DPF3: variants seen among roughly 807,000 people sequenced by gnomAD.
The protein encoded by DPF3 is double PHD fingers 3, also known as zinc finger protein DPF3.
In DPF3, 18 loss-of-function variants were observed where a neutral mutation model predicts 56.8. The ratio of observed to expected loss-of-function variants is 0.32; its 90% CI spans 0.22 to 0.47. DPF3 has a LOEUF of 0.47. Among genes scored for constraint, DPF3 ranks in the 20% least tolerant of loss-of-function variants. The pLI, the probability that DPF3 is intolerant of heterozygous loss-of-function variation, is 1.00. For synonymous variants in DPF3, 188 were observed against 180.2 expected (o/e 1.04, Z -0.35); for missense variants, 403 against 488.8 (o/e 0.82, Z 1.65).
chr14:72,890,503 T>C (rs1484796616), intron 1 of DPF3, among the ~76,000 whole-genome samples: 1 of 150,584 alleles, frequency 6.6e-6, no homozygotes, highest in Non-Finnish European at 1.5e-5. Context: ...AAAATAATGA[T>C]AATAATAATA....
At chr14:72,815,759 G>C (rs953640636) in intron 1 of DPF3, among the ~76,000 whole-genome samples, 2 of 152,180 alleles carry the variant, frequency 1.3e-5, no homozygotes, top group Admixed American at 1.3e-4. Flanking sequence ...TACAGTTCTG[G>C]AGGTCAGAAC....
At chr14:72,793,022 A>G (rs1017612878) in intron 1 of DPF3, among the ~76,000 whole-genome samples, 1 of 152,176 alleles carries the variant, frequency 6.6e-6, no homozygotes, top group Non-Finnish European at 1.5e-5. Context: ...TCCAATCAAA[A>G]TCATTCTCCG....
chr14:72,685,184 A>G (rs1010795062), intron 7 of DPF3, among the ~76,000 whole-genome samples: 2 of 152,234 alleles, frequency 1.3e-5, no homozygotes, highest in African/African-American at 4.8e-5. Flanking sequence ...TGCATTAGAC[A>G]ACTGGTCTTG....
intron 7 of DPF3, among the ~76,000 whole-genome samples, chr14:72,679,605 C>G (rs1262967944): frequency 6.6e-6 from 1 of 152,240 alleles, no homozygotes; most frequent in Admixed American, 6.5e-5. Flanking sequence ...TTGTTCCCCC[C>G]GCCACCCTCC....
intron 3 of DPF3, among the ~76,000 whole-genome samples, chr14:72,733,696 A>T (rs1889769637): frequency 6.6e-6 from 1 of 152,142 alleles, no homozygotes; most frequent in South Asian, 2.1e-4. Flanking sequence ...GTGAAGACGG[A>T]AAAGCATGGA....
At chr14:72,826,676 GC>G (rs1567246685) in intron 1 of DPF3, among the ~76,000 whole-genome samples, 2 of 152,188 alleles carry the variant, frequency 1.3e-5, no homozygotes, top group African/African-American at 2.4e-5. Flanking sequence ...TGCAGAGGGT[GC>G]AAAAATATAC....
chr14:72,768,587 C>T (rs1053781085), intron 2 of DPF3, among the ~76,000 whole-genome samples: 2 of 152,142 alleles, frequency 1.3e-5, no homozygotes, highest in Admixed American at 1.3e-4. Flanking sequence ...ATATTTGCAA[C>T]TGCAAATTGC....
At chr14:72,740,166 G>A (rs1298330877) in intron 3 of DPF3, among the ~76,000 whole-genome samples, 1 of 152,220 alleles carries the variant, frequency 6.6e-6, no homozygotes, top group East Asian at 1.9e-4. Flanking sequence ...GGAGCACGGT[G>A]AGCCAGGGGG....
chr14:72,620,738 G>A (rs1477303048), intron 9 of DPF3, among the ~76,000 whole-genome samples: 1 of 152,196 alleles, frequency 6.6e-6, no homozygotes, highest in African/African-American at 2.4e-5. Context: ...TACCTCAACT[G>A]GAAGTTGTCT....
At position 72,834,389 on chromosome 14, in the gene DPF3, C is replaced by T. The variant is rs148283287; in HGVS notation, c.32+59668G>A. Among the ~76,000 whole-genome samples the T allele has an allele frequency of 4.5e-3, 659 of 147,792 alleles. 4 individuals carry two copies. Among genetic ancestry groups the T allele is most frequent in the African/African-American group, 0.015 (614 of 39,750 alleles). Reference sequence around the variant, plus strand: ...GCAGGCATCTGTAATCCCAGCTATTCGGGAGGCTGAGGCAAGAGAATCACT... The same window carrying T: ...GCAGGCATCTGTAATCCCAGCTATTTGGGAGGCTGAGGCAAGAGAATCACT... On this transcript the variant is annotated intron_variant, in intron 1 of 10. Coordinates refer to ENST00000556509, the MANE Select transcript of DPF3 (RefSeq NM_001280542.3).
chr14:72,791,369 C>T (rs1253176397), intron 1 of DPF3, among the ~76,000 whole-genome samples: 1 of 152,248 alleles, frequency 6.6e-6, no homozygotes, highest in Non-Finnish European at 1.5e-5. Context: ...CCCTTCTTTG[C>T]TGCCAGGGTT....
At chr14:72,773,779 T>C (rs1424267039) in intron 1 of DPF3, 1 of 453,798 alleles carries the variant, frequency 2.2e-6, no homozygotes, top group Admixed American at 2.4e-5. Context: ...TTAACCTATA[T>C]TATAGCATAT....
chr14:72,749,481 A>T (rs145940147), intron 3 of DPF3, among the ~76,000 whole-genome samples: 193 of 152,324 alleles, frequency 1.3e-3, no homozygotes, highest in African/African-American at 4.3e-3. Context: ...TAATGCTGAA[A>T]CGAGTTGAGA....
intron 2 of DPF3, 98 bp from the exon 3 acceptor site, chr14:72,753,469 G>A: frequency 1.0e-6 from 1 of 962,134 alleles, no homozygotes; most frequent in South Asian, 1.8e-5. Context: ...AGAGGAAGCT[G>A]AAGCCCAGAG....
intron 8 of DPF3, among the ~76,000 whole-genome samples, chr14:72,672,061 A>G (rs1396143010): frequency 8.5e-6 from 1 of 118,054 alleles, no homozygotes; most frequent in African/African-American, 3.5e-5. Context: ...ACACACACAG[A>G]CACACACACA....
rs1292987399 is a variant in DPF3 at position 72,794,086 on chromosome 14, CA to C, written c.33-22194del. Among the ~76,000 whole-genome samples the C allele has an allele frequency of 7.2e-5, 11 of 152,298 alleles. No individual in the cohort carries two copies. In the East Asian group the frequency reaches 2.1e-3, roughly 29 times the overall value. On this transcript the variant is annotated intron_variant, in intron 1 of 10. Coordinates refer to ENST00000556509, the MANE Select transcript of DPF3 (RefSeq NM_001280542.3). The stretch of plus-strand genomic sequence containing the variant: ...GGCTGGGGCACTGGCATGAGGACAC[CA>C]GGTTTGAGTCCCAGCTCCTTGCTTA...
intron 1 of DPF3, among the ~76,000 whole-genome samples, chr14:72,882,039 C>A (rs373011741): frequency 1.3e-5 from 2 of 152,128 alleles, no homozygotes; most frequent in East Asian, 1.9e-4. Flanking sequence ...CCCCAAAGGC[C>A]GAAGCTTTGG....
chr14:72,796,728 G>T (rs1489098458), intron 1 of DPF3, among the ~76,000 whole-genome samples: 1 of 152,040 alleles, frequency 6.6e-6, no homozygotes, highest in Admixed American at 6.6e-5. Context: ...AGACCTCTTG[G>T]GGCCAGGGAT....
At chr14:72,829,916 T>G (rs1883983012) in intron 1 of DPF3, among the ~76,000 whole-genome samples, 1 of 152,152 alleles carries the variant, frequency 6.6e-6, no homozygotes. Context: ...CTAACTTTTT[T>G]GTATTTTTTA....
Sources: allele counts gnomAD v4.1 joint callset (sites outside exome capture counted in the v4.1 genomes callset), GRCh38; gene constraint gnomAD v4.1.1; transcripts MANE v1.5; gene names NCBI Gene and HGNC (gene_info 2026-07-23, HGNC 2026-07-21).